CRY1: variants seen among roughly 807,000 people sequenced by gnomAD.
CRY1 encodes the protein cryptochrome-1.
In CRY1, 45 loss-of-function variants were observed where a neutral mutation model predicts 76.0. The ratio of observed to expected loss-of-function variants is 0.59; its 90% CI spans 0.47 to 0.76. The LOEUF (loss-of-function observed/expected upper bound fraction) is 0.76, where lower values mean the gene tolerates loss of function less well. CRY1 is among the 30% of genes least tolerant of loss of function. CRY1 has a pLI of 0.00. For synonymous variants in CRY1, 248 were observed against 244.0 expected (o/e 1.02, Z -0.15); for missense variants, 587 against 716.4 (o/e 0.82, Z 2.06).
intron 1 of CRY1, among the ~76,000 whole-genome samples, chr12:107,026,701 T>C (rs1006557891): frequency 2.0e-5 from 3 of 151,886 alleles, no homozygotes; most frequent in East Asian, 1.9e-4. Flanking sequence ...AATCACCTAG[T>C]AGAGTCTCTA....
Position 107,093,173 on chromosome 12 carries a change from G to A in CRY1, c.-212C>T. 3.6e-6 allele frequency: 2 copies of A among 549,432 alleles called. No individual in the cohort carries two copies. The highest frequency in any genetic ancestry group is 6.0e-6 in the Non-Finnish European group (2 of 331,330). 34.0% of individuals were successfully genotyped at this position (549,432 alleles called of 1,614,324 possible). The stretch of plus-strand genomic sequence containing the variant: ...AAAGATGAATGGAGGTTGCCTAGTC[G>A]GCGGAGTCCGGGTGTGACGCCCTTT... On this transcript the variant is annotated 5_prime_UTR_variant, in exon 1 of 13. Coordinates refer to ENST00000008527, the MANE Select transcript of CRY1 (RefSeq NM_004075.5).
At chr12:107,006,476 A>G (rs956226347) in intron 2 of CRY1, among the ~76,000 whole-genome samples, 1 of 152,110 alleles carries the variant, frequency 6.6e-6, no homozygotes, top group African/African-American at 2.4e-5. Context: ...TTTCCTAGAA[A>G]TAATCCCTTG....
intron 2 of CRY1, among the ~76,000 whole-genome samples, chr12:107,020,228 A>C (rs1952539938): frequency 6.7e-6 from 1 of 150,204 alleles, no homozygotes; most frequent in Non-Finnish European, 1.5e-5. Context: ...TTTGATTCCC[A>C]GCACTGGGGA....
chr12:107,069,215 T>C (rs1164088156), intron 1 of CRY1, among the ~76,000 whole-genome samples: 1 of 139,302 alleles, frequency 7.2e-6, no homozygotes, highest in Admixed American at 8.2e-5. Flanking sequence ...CAACAATTAC[T>C]TTCCGTTTAA....
intron 2 of CRY1, among the ~76,000 whole-genome samples, chr12:107,013,843 T>C (rs1356112741): frequency 6.6e-6 from 1 of 152,250 alleles, no homozygotes; most frequent in Non-Finnish European, 1.5e-5. Context: ...TTAATACTTT[T>C]ATATAGAATA....
Position 106,991,749 on chromosome 12 carries a change from TG to T in CRY1, c.*252del, listed in dbSNP as rs1952182629. The stretch of plus-strand genomic sequence containing the variant: ...TGAAAAATTATCAAAAATATATCGA[TG>T]GGTCTATACTAATTGTGACTGTTTA... On this transcript the variant is annotated 3_prime_UTR_variant, in exon 13 of 13. Transcript: ENST00000008527. 1 of 152,584 alleles carries T rather than the reference TG, an allele frequency of 6.6e-6. No homozygotes were observed. The allele number at this position is 152,584 out of a possible 1,614,324, so 9.5% of individuals were successfully genotyped here.
intron 2 of CRY1, among the ~76,000 whole-genome samples, chr12:107,012,413 G>C (rs1435030219): frequency 6.6e-6 from 1 of 152,184 alleles, no homozygotes; most frequent in Non-Finnish European, 1.5e-5. Flanking sequence ...TTACAACATG[G>C]TTTATACATA....
intron 1 of CRY1, among the ~76,000 whole-genome samples, chr12:107,052,560 G>C (rs911265398): frequency 6.6e-6 from 1 of 152,118 alleles, no homozygotes; most frequent in Non-Finnish European, 1.5e-5. Context: ...TAAAGTTAAA[G>C]GGGAAACTGG....
At chr12:107,086,580 GCTGCTCTGGCTGCA>G (rs1953404192) in intron 1 of CRY1, among the ~76,000 whole-genome samples, 1 of 152,168 alleles carries the variant, frequency 6.6e-6, no homozygotes, top group Non-Finnish European at 1.5e-5. Flanking sequence ...CCACGTTCTG[GCTGCTCTGGCTGCA>G]GCCAGGGCTC....
chr12:107,015,157 T>C (rs945454178), intron 2 of CRY1, among the ~76,000 whole-genome samples: 1 of 152,190 alleles, frequency 6.6e-6, no homozygotes, highest in Non-Finnish European at 1.5e-5. Context: ...ATTACAGGCG[T>C]GAGCCACCAC....
chr12:107,000,105 A>G, intron 5 of CRY1, 23 bp from the exon 6 acceptor site: 3 of 1,565,868 alleles, frequency 1.9e-6, no homozygotes, highest in Non-Finnish European at 2.6e-6. Flanking sequence ...AGAGAAAATT[A>G]TATTAACTAA....
At chr12:107,035,843 CCA>C (rs1478092396) in intron 1 of CRY1, among the ~76,000 whole-genome samples, 1 of 152,166 alleles carries the variant, frequency 6.6e-6, no homozygotes, top group African/African-American at 2.4e-5. Context: ...CCATCTCCTC[CCA>C]CAGTCTTCCA....
intron 1 of CRY1, among the ~76,000 whole-genome samples, chr12:107,035,965 T>C (rs1283587539): frequency 3.9e-5 from 6 of 152,190 alleles, no homozygotes; most frequent in African/African-American, 1.4e-4. Context: ...ATCAGTGGCT[T>C]GACAAAACAA....
chr12:107,048,776 GCT>G (rs562255545), intron 1 of CRY1, among the ~76,000 whole-genome samples: 1 of 152,040 alleles, frequency 6.6e-6, no homozygotes, highest in South Asian at 2.1e-4. Flanking sequence ...AGTATTTAAA[GCT>G]CTCTGTCAAA....
chr12:107,066,463 G>GT (rs567810140), intron 1 of CRY1, among the ~76,000 whole-genome samples: 3,029 of 146,812 alleles, frequency 0.021, 45 homozygotes, highest in Non-Finnish European at 0.032. Context: ...TTTGTTTTTT[G>GT]TTTTTTTTTT....
intron 2 of CRY1, among the ~76,000 whole-genome samples, chr12:107,018,678 G>T (rs1952522859): frequency 6.6e-6 from 1 of 152,090 alleles, no homozygotes; most frequent in African/African-American, 2.4e-5. Context: ...TATGCACCTA[G>T]TCTCTAAAAC....
chr12:106,993,117 T>C (rs1296316448), intron 10 of CRY1, 81 bp from the exon 11 acceptor site: 3 of 1,340,536 alleles, frequency 2.2e-6, no homozygotes, highest in Non-Finnish European at 3.2e-6. Flanking sequence ...AATCCAACTT[T>C]TAGCGCTTGT....
At chr12:107,078,869 C>T (rs1565845978) in intron 1 of CRY1, among the ~76,000 whole-genome samples, 2 of 152,130 alleles carry the variant, frequency 1.3e-5, no homozygotes, top group Admixed American at 1.3e-4. Flanking sequence ...TCCAGGCAGT[C>T]ACCTAAGCTT....
rs981218407 is a variant in CRY1 at position 107,060,987 on chromosome 12, T to C, written c.158+31817A>G. 1.5e-3 allele frequency among the ~76,000 whole-genome samples: 220 copies of C among 151,592 alleles called. 4 individuals carry two copies. The highest frequency in any genetic ancestry group is 1.5e-4 in the Non-Finnish European group (10 of 67,864). Reference sequence around the variant, plus strand: ...GAGACTCTGTCTCAAAAAACAAAAATCAAACAAACAAAAAAAATTATTTCT... The same window carrying C: ...GAGACTCTGTCTCAAAAAACAAAAACCAAACAAACAAAAAAAATTATTTCT... On this transcript the variant is annotated intron_variant, in intron 1 of 12. Coordinates refer to ENST00000008527, the MANE Select transcript of CRY1 (RefSeq NM_004075.5).
Sources: gnomAD v4.1 joint callset for allele counts (sites outside exome capture counted in the v4.1 genomes callset) on GRCh38, gnomAD v4.1.1 for gene constraint, MANE v1.5 for transcripts, NCBI Gene and HGNC (gene_info 2026-07-23, HGNC 2026-07-21) for gene names.